The following REDIC1 variants were observed in gnomAD, a reference collection of about 807,000 sequenced individuals.
The protein encoded by REDIC1 is regulator of DNA class I crossover intermediates 1.
At chr12:39,628,311 C>G in the REDIC1 span, among the ~76,000 whole-genome samples, 1 of 151,984 alleles carries the variant, frequency 6.6e-6, no homozygotes, top group African/African-American at 2.4e-5. Context: ...AAATGGGTGT[C>G]TCCATTTTCT....
At chr12:39,735,552 G>A in the REDIC1 span, among the ~76,000 whole-genome samples, 1 of 152,148 alleles carries the variant, frequency 6.6e-6, no homozygotes, top group South Asian at 2.1e-4. Context: ...AACTTACTGG[G>A]ATCAAAAATA....
the REDIC1 span, among the ~76,000 whole-genome samples, chr12:39,669,936 AG>A: frequency 6.6e-6 from 1 of 152,178 alleles, no homozygotes; most frequent in Non-Finnish European, 1.5e-5. Context: ...CCGATTTTTC[AG>A]GTGCCGTCTG....
the REDIC1 span, chr12:39,864,919 A>G: frequency 1.3e-6 from 2 of 1,583,010 alleles, no homozygotes; most frequent in Non-Finnish European, 1.7e-6. Flanking sequence ...AGAAGAGTTG[A>G]CAATATTGTT....
the REDIC1 span, among the ~76,000 whole-genome samples, chr12:39,866,385 C>G: frequency 6.6e-6 from 1 of 152,162 alleles, no homozygotes; most frequent in Non-Finnish European, 1.5e-5. Context: ...AGGACACAAC[C>G]TTTCCATAAT....
the REDIC1 span, among the ~76,000 whole-genome samples, chr12:39,639,817 A>G: frequency 6.6e-6 from 1 of 152,020 alleles, no homozygotes; most frequent in Non-Finnish European, 1.5e-5. Flanking sequence ...ATTAGATAGT[A>G]TACAGTTAAG....
At chr12:39,895,657 C>T in the REDIC1 span, among the ~76,000 whole-genome samples, 2 of 68,130 alleles carry the variant, frequency 2.9e-5, no homozygotes, top group Non-Finnish European at 6.6e-5. Flanking sequence ...TACGTACACA[C>T]ATATGTATAT....
the REDIC1 span, among the ~76,000 whole-genome samples, chr12:39,655,842 C>A: frequency 6.6e-6 from 1 of 152,128 alleles, no homozygotes; most frequent in African/African-American, 2.4e-5. Flanking sequence ...CTCAGTTTAT[C>A]GTGTGCCTTT....
chr12:39,666,531 T>G, the REDIC1 span, among the ~76,000 whole-genome samples: 1 of 152,302 alleles, frequency 6.6e-6, no homozygotes, highest in East Asian at 1.9e-4. Context: ...AGTTCTCTTT[T>G]TTTGTTGTGT....
chr12:39,723,460 A>G, the REDIC1 span, among the ~76,000 whole-genome samples: 1 of 151,878 alleles, frequency 6.6e-6, no homozygotes, highest in Admixed American at 6.6e-5. Flanking sequence ...AAAATAAGCC[A>G]TCTTATGTAA....
the REDIC1 span, among the ~76,000 whole-genome samples, chr12:39,699,146 C>T: frequency 2.4e-3 from 368 of 152,266 alleles, 2 homozygotes; most frequent in African/African-American, 8.4e-3. Flanking sequence ...CCAGCGTGAG[C>T]GACACAGAAG....
the REDIC1 span, chr12:39,865,004 C>T: frequency 3.1e-5 from 27 of 858,788 alleles, no homozygotes; most frequent in Middle Eastern, 3.6e-4. Context: ...AAAAAAATAC[C>T]GTGCTCTATC....
chr12:39,703,661 A>T, the REDIC1 span, among the ~76,000 whole-genome samples: 10 of 152,180 alleles, frequency 6.6e-5, no homozygotes, highest in African/African-American at 2.2e-4. Context: ...GAGGAATCAC[A>T]CTACCTGACT....
the REDIC1 span, among the ~76,000 whole-genome samples, chr12:39,818,769 C>A: frequency 2.0e-5 from 3 of 151,778 alleles, no homozygotes; most frequent in Non-Finnish European, 4.4e-5. Context: ...TTTCATATAC[C>A]AATAACAACT....
the REDIC1 span, among the ~76,000 whole-genome samples, chr12:39,746,762 G>A: frequency 6.6e-6 from 1 of 152,246 alleles, no homozygotes; most frequent in African/African-American, 2.4e-5. Context: ...AGCATTTGCT[G>A]TTCAGCAATA....
the REDIC1 span, among the ~76,000 whole-genome samples, chr12:39,730,141 G>A: frequency 1.3e-5 from 2 of 152,014 alleles, no homozygotes; most frequent in Non-Finnish European, 1.5e-5. Flanking sequence ...TTTAATTGGG[G>A]CATTTAGCCC....
the REDIC1 span, among the ~76,000 whole-genome samples, chr12:39,879,615 T>C: frequency 1.3e-5 from 2 of 152,214 alleles, no homozygotes; most frequent in African/African-American, 4.8e-5. Context: ...TTGGCTGATT[T>C]CTCCCTTTTG....
the REDIC1 span, chr12:39,646,296 T>C: frequency 1.4e-6 from 1 of 704,752 alleles, no homozygotes; most frequent in Non-Finnish European, 2.0e-6. Context: ...TTATTCTTAT[T>C]TTAAAATTAT....
chr12:39,652,372 T>G, the REDIC1 span, among the ~76,000 whole-genome samples: 3 of 152,166 alleles, frequency 2.0e-5, no homozygotes, highest in East Asian at 5.8e-4. Flanking sequence ...GTATGAACAT[T>G]GCAGCGCATC....
At chr12:39,681,129 G>A in the REDIC1 span, among the ~76,000 whole-genome samples, 19 of 152,232 alleles carry the variant, frequency 1.2e-4, no homozygotes, top group African/African-American at 3.4e-4. Flanking sequence ...AAAGTCAGCC[G>A]GGTGTGGTGG....
Sources: gnomAD v4.1 joint callset for allele counts (sites outside exome capture counted in the v4.1 genomes callset) on GRCh38, gnomAD v4.1.1 for gene constraint, MANE v1.5 for transcripts, NCBI Gene and HGNC (gene_info 2026-07-23, HGNC 2026-07-21) for gene names.